The following POLR2E variants were observed in gnomAD, a reference collection of about 807,000 sequenced individuals.
The protein encoded by POLR2E is DNA-directed RNA polymerases I, II, and III subunit RPABC1.
A neutral mutation model predicts 29.8 loss-of-function variants in POLR2E; 35 were observed. The observed-to-expected ratio is 1.17, with a 90% CI of 0.90 to 1.55. The LOEUF is 1.55. Ranked by LOEUF, POLR2E falls within the 40% of genes most tolerant of loss-of-function variation. The probability of loss-of-function intolerance (pLI) is 0.00; values close to 1 mark genes in which losing one functional copy is unlikely to be tolerated. For missense variants in POLR2E, 287 were observed against 288.6 expected, an observed-to-expected ratio of 0.99 and a Z score of 0.04; for synonymous variants, 174 against 112.6, an observed-to-expected ratio of 1.55 and a Z score of -3.45.
chr19:1,092,604 C>T (rs1331643564), intron 2 of POLR2E, among the ~76,000 whole-genome samples: 3 of 151,996 alleles, frequency 2.0e-5, no homozygotes, highest in African/African-American at 4.8e-5. Flanking sequence ...AGGAGAATGG[C>T]GTGAACCCGG....
chr19:1,091,438 C>T (rs904687831), intron 3 of POLR2E: 13 of 378,668 alleles, frequency 3.4e-5, no homozygotes, highest in East Asian at 1.7e-4. Flanking sequence ...GGACCCCGTG[C>T]CGGGCCTCCT....
At chr19:1,089,614 C>T in intron 6 of POLR2E, 63 bp from the exon 7 acceptor site, 1 of 1,404,462 alleles carries the variant, frequency 7.1e-7, no homozygotes, top group South Asian at 1.2e-5. Flanking sequence ...CACCAGACAG[C>T]AGGCGGGCAG....
chr19:1,094,224 C>T (rs1196373414), intron 1 of POLR2E, 146 bp from the exon 2 acceptor site: 1 of 669,034 alleles, frequency 1.5e-6, no homozygotes, highest in Non-Finnish European at 2.5e-6. Context: ...TCCATGACAG[C>T]CACCCCGGCC....
chr19:1,090,257 AC>A (rs1424750328), intron 4 of POLR2E, 112 bp from the exon 5 acceptor site: 1 of 899,184 alleles, frequency 1.1e-6, no homozygotes. Context: ...CCTGAACCCC[AC>A]CCCGATCCCC....
At chr19:1,093,810 G>A in intron 2 of POLR2E, 94 bp downstream of exon 2, 2 of 1,448,922 alleles carry the variant, frequency 1.4e-6, no homozygotes, top group African/African-American at 1.4e-5. Context: ...GACAAATGCT[G>A]GGCACCAGGC....
Position 1,090,982 on chromosome 19 carries a change from C to A in POLR2E, c.355G>T (p.Val119Phe). Residue 119 changes from valine (V) to phenylalanine (F), a missense_variant, in exon 4 of 8, where the codon GTC becomes TTC. By Grantham distance (50) the Val-to-Phe change is conservative. Coordinates refer to ENST00000615234, the MANE Select transcript of POLR2E (RefSeq NM_002695.5). ...GMTPSAKQSLVDMAPKYILEQ... is the reference protein window; with the variant it reads ...GMTPSAKQSLFDMAPKYILEQ... ...AGGATGTACTTGGGGGCCATGTCGACCAGGGACTGGAAGAGAGCGGCTCTA... is the reference window on the plus strand; with the variant it reads ...AGGATGTACTTGGGGGCCATGTCGAACAGGGACTGGAAGAGAGCGGCTCTA... 6.2e-7 allele frequency: 1 copy of A among 1,613,634 alleles called. No individual in the cohort carries two copies. Among genetic ancestry groups the A allele is most frequent in the Admixed American group, 1.7e-5 (1 of 60,020 alleles).
chr19:1,089,402 G>T, intron 7 of POLR2E, 70 bp downstream of exon 7: 1 of 1,023,398 alleles, frequency 9.8e-7, no homozygotes, highest in Non-Finnish European at 1.5e-6. Context: ...GAACAGCCCT[G>T]CACACCGACG....
chr19:1,093,165 G>C, intron 2 of POLR2E, among the ~76,000 whole-genome samples: 1 of 151,846 alleles, frequency 6.6e-6, no homozygotes, highest in Middle Eastern at 3.4e-3. Flanking sequence ...CAGCCTGGGC[G>C]ACAGATTGAG....
intron 1 of POLR2E, chr19:1,094,944 G>A (rs1170504110): frequency 6.5e-6 from 3 of 462,662 alleles, no homozygotes; most frequent in Non-Finnish European, 1.1e-5. Flanking sequence ...GAGAAGGGCA[G>A]AGTCTGGGGG....
chr19:1,089,625 C>G (rs1363260985), intron 6 of POLR2E, 74 bp from the exon 7 acceptor site: 12 of 1,319,254 alleles, frequency 9.1e-6, no homozygotes, highest in Admixed American at 1.7e-5. Context: ...AGGCGGGCAG[C>G]ACACGGGCTG....
At position 1,089,636 on chromosome 19, in the gene POLR2E, G is replaced by A. The variant is rs763171549; in HGVS notation, c.568-85C>T. The stretch of plus-strand genomic sequence containing the variant: ...CAGCAGGCGGGCAGCACACGGGCTG[G>A]GGATGGCCGGCAGGGGTCCGAGATG... On this transcript the variant is annotated intron_variant, in intron 6 of 7. Coordinates refer to ENST00000615234, the MANE Select transcript of POLR2E (RefSeq NM_002695.5). The A allele has an allele frequency of 2.4e-4, 292 of 1,201,962 alleles. 1 individual carries two copies. Among genetic ancestry groups the A allele is most frequent in the Non-Finnish European group, 3.5e-4 (282 of 811,414 alleles). The allele number at this position is 1,201,962 out of a possible 1,614,324, so 74.5% of individuals were successfully genotyped here.
rs778961416 is a variant in POLR2E, at chr19:1,091,894, C to A, written c.246G>T (p.Val82=). ...AGTACACCTTGATGGTCTTGATGCC[C>A]ACCTTGGGCTCCTCTGCAGACAGAG... The part of the protein sequence containing the change: ...MFVFFPEEPK[V]GIKTIKVYCQ... Residue 82 remains valine (V), a synonymous_variant, in exon 3 of 8, where the codon GTG becomes GTT. Coordinates refer to ENST00000615234, the MANE Select transcript of POLR2E (RefSeq NM_002695.5). 1 of 1,610,580 alleles carries A rather than the reference C, an allele frequency of 6.2e-7. No homozygotes were observed. Among genetic ancestry groups the A allele is most frequent in the African/African-American group, 1.3e-5 (1 of 74,862 alleles).
intron 7 of POLR2E, 92 bp downstream of exon 7, chr19:1,089,380 C>G: frequency 1.2e-6 from 1 of 849,438 alleles, no homozygotes; most frequent in Non-Finnish European, 1.9e-6. Context: ...GTCTTGCTGC[C>G]GGACAAAGCA....
intron 1 of POLR2E, chr19:1,095,038 G>A (rs2043911394): frequency 4.9e-6 from 2 of 412,344 alleles, no homozygotes; most frequent in Middle Eastern, 7.2e-4. Flanking sequence ...CCACCCCTAA[G>A]CACCGCACCC....
Position 1,090,168 on chromosome 19 carries a change from G to A in POLR2E, c.430-23C>T, listed in dbSNP as rs115401804. On this transcript the variant is annotated intron_variant, in intron 4 of 7. Coordinates refer to ENST00000615234, the MANE Select transcript of POLR2E (RefSeq NM_002695.5). ...TAGCTGCCGAGAGAGGAAGCCACCAGGCATCACCAAGGGCTGGTGAGACCC... is the reference window on the plus strand; with the variant it reads ...TAGCTGCCGAGAGAGGAAGCCACCAAGCATCACCAAGGGCTGGTGAGACCC... 1.2e-3 allele frequency: 1,914 copies of A among 1,611,040 alleles called. 23 individuals carry two copies. The African/African-American group carries it at 0.023, about 20-fold the overall frequency.
Position 1,095,321 on chromosome 19 carries a change from C to T in POLR2E, c.-6G>A. 6.2e-7 allele frequency: 1 copy of T among 1,612,030 alleles called. No homozygotes were observed. Among genetic ancestry groups the T allele is most frequent in the East Asian group, 2.2e-5 (1 of 44,848 alleles). On this transcript the variant is annotated 5_prime_UTR_variant, in exon 1 of 8. Transcript: ENST00000615234. The stretch of plus-strand genomic sequence containing the variant: ...GTCTCCTCCTCGTCGTCCATGGCAG[C>T]CTCCGCCGCCGCCGCCGCTCGCACC...
chr19:1,091,778 G>C lies in POLR2E; in HGVS notation c.348+14C>G. 6.5e-7 allele frequency: 1 copy of C among 1,537,138 alleles called. No individual in the cohort carries two copies. Among genetic ancestry groups the C allele is most frequent in the Non-Finnish European group, 8.9e-7 (1 of 1,117,992 alleles). ...GAGGGGGAGAGGCTGGCGGGGTGGG[G>C]CAGGGGTGCCCACCTGCTTGGCGGA... On this transcript the variant is annotated intron_variant, in intron 3 of 7. Transcript: ENST00000615234.
Position 1,088,318 on chromosome 19 carries a change from G to GT in POLR2E, c.*416_*417insA, listed in dbSNP as rs1280712158. The GT allele has an allele frequency of 6.6e-6, 1 of 152,366 alleles. No individual in the cohort carries two copies. Among genetic ancestry groups the GT allele is most frequent in the East Asian group, 1.9e-4 (1 of 5,260 alleles). 9.4% of individuals were successfully genotyped at this position (152,366 alleles called of 1,614,324 possible). ...GAATGGAGTAAAGAGCCGAGGCCGG[G>GT]CGGGGGCCGCCACGCATCAGGGCCC... On this transcript the variant is annotated 3_prime_UTR_variant, in exon 8 of 8. Transcript: ENST00000615234.
chr19:1,095,352 TCCGCGCGAGAAC>T lies in POLR2E; in HGVS notation c.-49_-38del, dbSNP rs761135249. ...CCGCCGCCGCCGCTCGCACCCCTTCTCCGCGCGAGAACCCGCGCGGACTGCGCCTGCGCCGAA... is the reference window on the plus strand; with the variant it reads ...CCGCCGCCGCCGCTCGCACCCCTTCTCCGCGCGGACTGCGCCTGCGCCGAA... On this transcript the variant is annotated 5_prime_UTR_variant, in exon 1 of 8. Coordinates refer to ENST00000615234, the MANE Select transcript of POLR2E (RefSeq NM_002695.5). 1.2e-6 allele frequency: 2 copies of T among 1,611,274 alleles called. No homozygotes were observed. The highest frequency in any genetic ancestry group is 3.3e-5 in the Admixed American group (2 of 59,948).
Sources: gnomAD v4.1 joint callset for allele counts (sites outside exome capture counted in the v4.1 genomes callset) on GRCh38, gnomAD v4.1.1 for gene constraint, MANE v1.5 for transcripts, NCBI Gene and HGNC (gene_info 2026-07-23, HGNC 2026-07-21) for gene names.